DOK5: variants seen among roughly 807,000 people sequenced by gnomAD.
The protein encoded by DOK5 is docking protein 5, also known as downstream of tyrosine kinase 5.
A neutral mutation model predicts 43.3 loss-of-function variants in DOK5; 27 were observed. The observed-to-expected ratio is 0.62, with a 90% CI of 0.46 to 0.86. The LOEUF (loss-of-function observed/expected upper bound fraction) is 0.86, where lower values mean the gene tolerates loss of function less well. Ranked by LOEUF, DOK5 falls within the 40% of genes least tolerant of loss-of-function variation. DOK5 has a pLI of 0.00. For missense variants in DOK5, 373 were observed against 392.9 expected (o/e 0.95, Z 0.43); for synonymous variants, 146 against 140.1 (o/e 1.04, Z -0.30).
chr20:54,505,431 G>A (rs1051124042), intron 1 of DOK5, among the ~76,000 whole-genome samples: 1 of 152,060 alleles, frequency 6.6e-6, no homozygotes, highest in Non-Finnish European at 1.5e-5. Flanking sequence ...GATTAAACAA[G>A]TGAATACCTA....
rs1984658253 is a variant in DOK5, at chr20:54,554,925, C to T, written c.67-8C>T. Reference sequence around the variant, plus strand: ...GATGCTGAGCTCAGTCTTTGTATTTCCTTCCAGATTTATCAGCGATGCTGG... The same window carrying T: ...GATGCTGAGCTCAGTCTTTGTATTTTCTTCCAGATTTATCAGCGATGCTGG... On this transcript the variant is annotated splice_polypyrimidine_tract_variant and splice_region_variant and intron_variant, in intron 1 of 7. Coordinates refer to ENST00000262593, the MANE Select transcript of DOK5 (RefSeq NM_018431.5). 8 of 1,587,646 alleles carry T rather than the reference C, an allele frequency of 5.0e-6. No individual in the cohort carries two copies. In the Admixed American group the frequency reaches 8.3e-5, roughly 17 times the overall value.
chr20:54,481,080 TATCATCTACC>T (rs1981685596), intron 1 of DOK5, among the ~76,000 whole-genome samples: 3 of 123,014 alleles, frequency 2.4e-5, no homozygotes, highest in African/African-American at 1.2e-4. Context: ...TCTATCTATC[TATCATCTACC>T]ATCTATCTAT....
At chr20:54,528,617 C>T (rs1379386561) in intron 1 of DOK5, among the ~76,000 whole-genome samples, 1 of 152,126 alleles carries the variant, frequency 6.6e-6, no homozygotes, top group Admixed American at 6.5e-5. Context: ...TCTCCTTGGC[C>T]AATATTTGGT....
chr20:54,591,319 A>T (rs73624119), intron 4 of DOK5, among the ~76,000 whole-genome samples: 1 of 152,152 alleles, frequency 6.6e-6, no homozygotes, highest in African/African-American at 2.4e-5. Flanking sequence ...TTAGTCTTTT[A>T]TTGGCATATA....
At chr20:54,522,939 T>C (rs2146698419) in intron 1 of DOK5, among the ~76,000 whole-genome samples, 1 of 152,364 alleles carries the variant, frequency 6.6e-6, no homozygotes, top group Admixed American at 6.5e-5. Context: ...TCTCCTTTTC[T>C]TAAGTAAGGT....
chr20:54,581,736 G>T (rs931863996), intron 2 of DOK5, among the ~76,000 whole-genome samples: 2 of 151,788 alleles, frequency 1.3e-5, no homozygotes, highest in Non-Finnish European at 3.0e-5. Flanking sequence ...TGTTGATTTT[G>T]TATCGTGCCA....
chr20:54,550,501 C>G (rs1208210691), intron 1 of DOK5, among the ~76,000 whole-genome samples: 1 of 152,178 alleles, frequency 6.6e-6, no homozygotes, highest in Admixed American at 6.5e-5. Context: ...CTGATGTTAA[C>G]CTGTTACAGC....
At chr20:54,533,069 G>A (rs946294703) in intron 1 of DOK5, among the ~76,000 whole-genome samples, 5 of 152,084 alleles carry the variant, frequency 3.3e-5, no homozygotes, top group Admixed American at 3.3e-4. Flanking sequence ...TTTAAATCTG[G>A]GATAATGGCT....
intron 2 of DOK5, among the ~76,000 whole-genome samples, chr20:54,562,740 T>G (rs1600703606): frequency 6.6e-6 from 1 of 151,840 alleles, no homozygotes; most frequent in Non-Finnish European, 1.5e-5. Context: ...ATATTTACAT[T>G]AAAAAAATCA....
intron 2 of DOK5, among the ~76,000 whole-genome samples, chr20:54,561,454 C>T (rs1032013404): frequency 2.6e-5 from 4 of 152,110 alleles, no homozygotes; most frequent in South Asian, 4.1e-4. Flanking sequence ...CCTACTGATT[C>T]GAAAATGGGC....
intron 6 of DOK5, among the ~76,000 whole-genome samples, chr20:54,623,100 A>G (rs1365933234): frequency 6.6e-6 from 1 of 152,092 alleles, no homozygotes; most frequent in Admixed American, 6.6e-5. Flanking sequence ...ACGCGTAGTC[A>G]CCCTAAAACA....
intron 1 of DOK5, among the ~76,000 whole-genome samples, chr20:54,509,103 C>T (rs1276147152): frequency 5.3e-5 from 8 of 151,466 alleles, no homozygotes; most frequent in South Asian, 2.1e-4. Context: ...CTTGAACTCC[C>T]GACCTCAAGT....
At chr20:54,526,067 G>A (rs564346097) in intron 1 of DOK5, among the ~76,000 whole-genome samples, 2 of 151,908 alleles carry the variant, frequency 1.3e-5, no homozygotes, top group Admixed American at 1.3e-4. Context: ...AAGTCTAGCT[G>A]CCTCTCCCAT....
intron 1 of DOK5, among the ~76,000 whole-genome samples, chr20:54,506,932 A>G (rs898592757): frequency 6.6e-6 from 1 of 152,174 alleles, no homozygotes; most frequent in Admixed American, 6.5e-5. Flanking sequence ...GGTCCTAAAC[A>G]TGATTTCTTT....
chr20:54,500,722 C>T (rs576554685), intron 1 of DOK5, among the ~76,000 whole-genome samples: 10 of 151,854 alleles, frequency 6.6e-5, no homozygotes, highest in South Asian at 4.2e-4. Context: ...CCACCATGCC[C>T]GGCTAATTTT....
chr20:54,586,853 T>C lies in DOK5; in HGVS notation c.175-1630T>C, dbSNP rs549039686. Reference sequence around the variant, plus strand: ...CACGGTGGCTGAGACATAGAGCACATGGGAAAGGTATAGAGAGGACAGTGG... The same window carrying C: ...CACGGTGGCTGAGACATAGAGCACACGGGAAAGGTATAGAGAGGACAGTGG... On this transcript the variant is annotated intron_variant, in intron 2 of 7. Transcript: ENST00000262593. Among the ~76,000 whole-genome samples, 6 of 150,826 alleles carry C rather than the reference T, an allele frequency of 4.0e-5. No homozygotes were observed. The South Asian group carries it at 1.1e-3, about 26-fold the overall frequency.
intron 1 of DOK5, among the ~76,000 whole-genome samples, chr20:54,483,282 A>G (rs1568747663): frequency 6.6e-6 from 1 of 152,224 alleles, no homozygotes; most frequent in Non-Finnish European, 1.5e-5. Context: ...ATTTATTTTT[A>G]AAGCAGCTTT....
intron 1 of DOK5, among the ~76,000 whole-genome samples, chr20:54,498,886 C>T (rs1483662485): frequency 2.6e-5 from 4 of 152,100 alleles, no homozygotes; most frequent in African/African-American, 9.7e-5. Context: ...ACTTGTAATG[C>T]AAATATAGAA....
intron 1 of DOK5, among the ~76,000 whole-genome samples, chr20:54,486,291 T>C (rs1981930421): frequency 6.6e-6 from 1 of 151,906 alleles, no homozygotes; most frequent in South Asian, 2.1e-4. Flanking sequence ...CTCTATTCTG[T>C]TCCATTGTTC....
Sources: gnomAD v4.1 joint callset for allele counts (sites outside exome capture counted in the v4.1 genomes callset) on GRCh38, gnomAD v4.1.1 for gene constraint, MANE v1.5 for transcripts, NCBI Gene and HGNC (gene_info 2026-07-23, HGNC 2026-07-21) for gene names.